ANKRD42: variants seen among roughly 807,000 people sequenced by gnomAD.
ANKRD42 encodes ankyrin repeat domain 42, also known as ankyrin repeat domain-containing protein 42.
Under a neutral mutation model 51.5 loss-of-function variants are expected in ANKRD42, and 43 were observed. The observed-to-expected ratio is 0.83, with a 90% CI of 0.65 to 1.08. ANKRD42 has a LOEUF of 1.08. Among genes scored for constraint, ANKRD42 ranks in the 50% least tolerant of loss-of-function variants. The pLI is 0.00. For missense variants in ANKRD42, 608 were observed against 629.3 expected, an observed-to-expected ratio of 0.97 and a Z score of 0.36; for synonymous variants, 203 against 213.0, an observed-to-expected ratio of 0.95 and a Z score of 0.41.
intron 7 of ANKRD42, among the ~76,000 whole-genome samples, chr11:83,229,599 A>C (rs576596289): frequency 1.3e-5 from 2 of 152,198 alleles, no homozygotes; most frequent in South Asian, 4.2e-4. Context: ...ACTGAAAGAG[A>C]AATGAGGGAT....
chr11:83,227,742 C>A lies in ANKRD42; in HGVS notation c.788-5C>A. ...TATTGAAATGCTGAATTTTTTTATT[C>A]ATAGCTTTAGCATTTCCAGGTCATG... is the stretch of plus-strand genomic sequence containing the variant. On this transcript the variant is annotated splice_region_variant and splice_polypyrimidine_tract_variant and intron_variant, in intron 6 of 10. Transcript: ENST00000533342. The A allele has an allele frequency of 1.2e-6, 2 of 1,601,340 alleles. No homozygotes were observed. The highest frequency in any genetic ancestry group is 2.3e-5 in the South Asian group (2 of 88,316).
At chr11:83,257,234 G>T (rs1179101097), downstream of ANKRD42, 1 of 447,590 alleles carries the variant, frequency 2.2e-6, no homozygotes, top group Non-Finnish European at 4.5e-6. Flanking sequence ...TAGATGCAAG[G>T]GTCCAGAGGG....
At chr11:83,228,231 CTTTTTTTTTTTTTT>C (rs11403803) in intron 7 of ANKRD42, among the ~76,000 whole-genome samples, 66 of 59,014 alleles carry the variant, frequency 1.1e-3, no homozygotes, top group East Asian at 2.9e-3. Flanking sequence ...CTCTCTCTCT[CTTTTTTTTTTTTTT>C]TTTTTTTTTT....
intron 9 of ANKRD42, among the ~76,000 whole-genome samples, chr11:83,243,768 TCTC>T (rs1863458964): frequency 6.7e-6 from 1 of 149,788 alleles, no homozygotes; most frequent in Non-Finnish European, 1.5e-5. Flanking sequence ...TTCACGCCAT[TCTC>T]CTCCCTCAGC....
chr11:83,196,721 C>T lies in ANKRD42; in HGVS notation c.59-1758C>T, dbSNP rs181023531. ...TTGAGGGTGTCTTCATCTTTTTATC[C>T]TTATGGTAGACACCAGACTTACGTT... On this transcript the variant is annotated intron_variant, in intron 1 of 10. Transcript: ENST00000533342. Among the ~76,000 whole-genome samples the T allele has an allele frequency of 3.8e-3, 575 of 152,140 alleles. 1 individual carries two copies. Among genetic ancestry groups the T allele is most frequent in the Non-Finnish European group, 6.3e-3 (425 of 67,994 alleles).
At position 83,226,221 on chromosome 11, in the gene ANKRD42, A is replaced by G. The variant is rs575241318; in HGVS notation, c.787+1166A>G. 2.0e-5 allele frequency among the ~76,000 whole-genome samples: 3 copies of G among 152,138 alleles called. No individual in the cohort carries two copies. The East Asian group carries it at 5.8e-4, about 29-fold the overall frequency. ...TACATATGTACACATACACACACAC[A>G]CACACATACACACACACATACACAC... On this transcript the variant is annotated intron_variant, in intron 6 of 10. Coordinates refer to ENST00000533342, the MANE Select transcript of ANKRD42 (RefSeq NM_001300975.2).
intron 8 of ANKRD42, among the ~76,000 whole-genome samples, chr11:83,238,832 GA>G (rs200971761): frequency 0.043 from 5,832 of 135,516 alleles, 211 homozygotes; most frequent in Middle Eastern, 0.1. Flanking sequence ...CTCTGTCTCC[GA>G]AAAAAAAAAA....
chr11:83,194,560 G>A lies in ANKRD42; in HGVS notation c.-111G>A, dbSNP rs997178909. 6 of 1,066,328 alleles carry A rather than the reference G, an allele frequency of 5.6e-6. No individual in the cohort carries two copies. The African/African-American group carries it at 7.8e-5, about 14-fold the overall frequency. 66.1% of individuals were successfully genotyped at this position (1,066,328 alleles called of 1,614,324 possible). A position where few individuals can be genotyped will look rare whatever the true frequency, so the allele number is the denominator to read the frequency against. On this transcript the variant is annotated 5_prime_UTR_variant, in exon 1 of 11. Transcript: ENST00000533342. ...CCTTGGGCCCCGTCCTAGTGACGACGGAGAAGAGGGCCGCTGCCGCTGCAG... is the reference window on the plus strand; with the variant it reads ...CCTTGGGCCCCGTCCTAGTGACGACAGAGAAGAGGGCCGCTGCCGCTGCAG...
downstream of ANKRD42, among the ~76,000 whole-genome samples, chr11:83,258,519 G>A (rs543162716): frequency 1.7e-4 from 26 of 152,146 alleles, no homozygotes; most frequent in African/African-American, 5.8e-4. Flanking sequence ...ACTTGCTGGG[G>A]GACTGTGGAC....
chr11:83,198,635 G>A lies in ANKRD42; in HGVS notation c.215G>A (p.Ser72Asn). ...TPLHWAAHSG[S>N]LECLHWLLWH... The stretch of plus-strand genomic sequence containing the variant: ...TTACATTGGGCAGCACATTCTGGAA[G>A]TTTGGAGGTAAGAAACTATACATAT... The change falls in exon 2 of 11, where the codon AGT becomes AAT. Residue 72 changes from serine (S) to asparagine (N), a missense_variant. Transcript: ENST00000533342. The A allele has an allele frequency of 6.3e-7, 1 of 1,589,348 alleles. No homozygotes were observed. Among genetic ancestry groups the A allele is most frequent in the Non-Finnish European group, 8.6e-7 (1 of 1,167,382 alleles).
intron 7 of ANKRD42, among the ~76,000 whole-genome samples, chr11:83,236,005 T>A (rs549465971): frequency 6.6e-6 from 1 of 152,360 alleles, no homozygotes; most frequent in East Asian, 1.9e-4. Context: ...TAGAATGTGC[T>A]CACATTCTTG....
intron 2 of ANKRD42, among the ~76,000 whole-genome samples, chr11:83,201,123 A>T (rs555106679): frequency 3.6e-4 from 54 of 152,068 alleles, no homozygotes; most frequent in Non-Finnish European, 6.8e-4. Flanking sequence ...TGCATTAGGT[A>T]TTTGTCCTAA....
At chr11:83,208,186 G>A (rs925132291) in intron 3 of ANKRD42, among the ~76,000 whole-genome samples, 15 of 151,308 alleles carry the variant, frequency 9.9e-5, no homozygotes, top group Non-Finnish European at 4.4e-5. Flanking sequence ...ACCTTGCCTG[G>A]CTAATTTTTT....
chr11:83,236,054 G>C (rs531938044), intron 7 of ANKRD42, among the ~76,000 whole-genome samples: 3 of 152,320 alleles, frequency 2.0e-5, no homozygotes, highest in Non-Finnish European at 2.9e-5. Context: ...TATAGCAGGA[G>C]ATAAGCACTG....
In ANKRD42 at chr11:83,234,443, T is replaced by C. The variant is rs531422486; in HGVS notation, c.914-1961T>C. ...AATCTTAATTATTTCAAGTCATTTCTTAAAAATTTCTAACAACTATATAAT... is the reference window on the plus strand; with the variant it reads ...AATCTTAATTATTTCAAGTCATTTCCTAAAAATTTCTAACAACTATATAAT... On this transcript the variant is annotated intron_variant, in intron 7 of 10. Transcript: ENST00000533342. Among the ~76,000 whole-genome samples, 380 of 152,350 alleles carry C rather than the reference T, an allele frequency of 2.5e-3. 4 individuals carry two copies. The highest frequency in any genetic ancestry group is 9.0e-3 in the African/African-American group (373 of 41,592).
At chr11:83,200,253 T>G (rs981876641) in intron 2 of ANKRD42, among the ~76,000 whole-genome samples, 1 of 152,210 alleles carries the variant, frequency 6.6e-6, no homozygotes, top group Non-Finnish European at 1.5e-5. Context: ...CTCCTCCTAT[T>G]GTGTAATTGT....
At chr11:83,206,526 GA>G (rs997142268) in intron 3 of ANKRD42, among the ~76,000 whole-genome samples, 1 of 152,156 alleles carries the variant, frequency 6.6e-6, no homozygotes, top group African/African-American at 2.4e-5. Context: ...GGCCTTTTGG[GA>G]GGTTATTAGG....
chr11:83,204,034 C>T (rs1054228597), intron 2 of ANKRD42, among the ~76,000 whole-genome samples: 4 of 152,174 alleles, frequency 2.6e-5, no homozygotes, highest in African/African-American at 9.7e-5. Context: ...CCTCTGCCTC[C>T]TGGGTTCAAG....
At chr11:83,252,609 T>C (rs1054412134), downstream of ANKRD42, among the ~76,000 whole-genome samples, 5 of 152,146 alleles carry the variant, frequency 3.3e-5, no homozygotes, top group African/African-American at 9.7e-5. Context: ...ACACATACCG[T>C]GTGATTACAT....
Sources: allele counts gnomAD v4.1 joint callset (sites outside exome capture counted in the v4.1 genomes callset), GRCh38; gene constraint gnomAD v4.1.1; transcripts MANE v1.5; gene names NCBI Gene and HGNC (gene_info 2026-07-23, HGNC 2026-07-21).